The following TMEM132D variants were observed in gnomAD, a reference collection of about 807,000 sequenced individuals.
TMEM132D encodes transmembrane protein 132D.
A neutral mutation model predicts 62.3 loss-of-function variants in TMEM132D; 21 were observed. The ratio of observed to expected loss-of-function variants is 0.34; its 90% confidence interval spans 0.24 to 0.49. The LOEUF (loss-of-function observed/expected upper bound fraction) is 0.49. TMEM132D is among the 20% of genes least tolerant of loss of function. TMEM132D has a pLI of 0.99. For synonymous variants in TMEM132D, 621 were observed against 575.6 expected (o/e 1.08, Z -1.13); for missense variants, 1,346 against 1,402.8 (o/e 0.96, Z 0.65).
intron 2 of TMEM132D, among the ~76,000 whole-genome samples, chr12:129,537,128 C>G (rs565026938): frequency 7.5e-6 from 1 of 133,456 alleles, no homozygotes; most frequent in Non-Finnish European, 1.5e-5. Flanking sequence ...CCACTGCACT[C>G]CAGCCTGGGT....
At chr12:129,136,760 C>A (rs1324456060) in intron 5 of TMEM132D, among the ~76,000 whole-genome samples, 2 of 141,016 alleles carry the variant, frequency 1.4e-5, no homozygotes, top group Non-Finnish European at 3.1e-5. Context: ...CCTCCACCAT[C>A]ATCACCATCA....
chr12:129,700,298 G>C lies in TMEM132D; in HGVS notation c.480C>G (p.Ser160Arg), dbSNP rs201922398. ...HIMGRDWDDR[S>R]AGEKLPCLRV... ...TCAGGCACGGCAGCTTCTCCCCGGC[G>C]CTGCGGTCGTCCCAGTCTCTGCCCA... Residue 160 changes from serine to arginine, a missense_variant, in exon 2 of 9, where the codon AGC becomes AGG. Ser to Arg is a moderately radical substitution (Grantham distance 110). Transcript: ENST00000422113. The C allele has an allele frequency of 1.2e-6, 2 of 1,613,640 alleles. No homozygotes were observed. The highest frequency in any genetic ancestry group is 4.5e-5 in the East Asian group (2 of 44,868).
intron 2 of TMEM132D, among the ~76,000 whole-genome samples, chr12:129,560,374 C>T (rs1418722600): frequency 1.3e-5 from 2 of 151,808 alleles, no homozygotes; most frequent in African/African-American, 4.8e-5. Flanking sequence ...GGCTCAAGCG[C>T]TCCTGCCTCA....
At position 129,096,585 on chromosome 12, in the gene TMEM132D, A is replaced by G. The variant is rs1041253538; in HGVS notation, c.1444-11883T>C. On this transcript the variant is annotated intron_variant, in intron 5 of 8. Coordinates refer to ENST00000422113, the MANE Select transcript of TMEM132D (RefSeq NM_133448.3). ...AAGAGCGGGACTCAGCTCAAAACAC[A>G]GGGACCCCAAGGAGTTAAGCGCTGG... 5.3e-5 allele frequency among the ~76,000 whole-genome samples: 8 copies of G among 152,284 alleles called. No individual in the cohort carries two copies. The East Asian group carries it at 1.2e-3, about 22-fold the overall frequency.
At chr12:129,313,215 G>A in intron 4 of TMEM132D, among the ~76,000 whole-genome samples, 1 of 152,020 alleles carries the variant, frequency 6.6e-6, no homozygotes, top group South Asian at 2.1e-4. Context: ...GGGGTATTTG[G>A]TTACATGAGT....
chr12:129,254,042 G>T (rs76022285), intron 4 of TMEM132D, among the ~76,000 whole-genome samples: 5,498 of 152,284 alleles, frequency 0.036, 135 homozygotes, highest in Middle Eastern at 0.065. Flanking sequence ...AACGGACTTG[G>T]TGTATCAATA....
intron 1 of TMEM132D, among the ~76,000 whole-genome samples, chr12:129,880,125 AG>A (rs753952492): frequency 6.6e-6 from 1 of 152,194 alleles, no homozygotes; most frequent in East Asian, 1.9e-4. Flanking sequence ...GCAAAAAAAA[AG>A]ACACATTACA....
chr12:129,156,310 C>A (rs887196151), intron 5 of TMEM132D, among the ~76,000 whole-genome samples: 1 of 152,010 alleles, frequency 6.6e-6, no homozygotes, highest in African/African-American at 2.4e-5. Context: ...ACCCAACCCA[C>A]TTCCAATAAA....
At chr12:129,760,708 A>C (rs973743970) in intron 1 of TMEM132D, among the ~76,000 whole-genome samples, 1 of 151,048 alleles carries the variant, frequency 6.6e-6, no homozygotes, top group African/African-American at 2.4e-5. Flanking sequence ...GGTTTGCTAC[A>C]TAGGTATACA....
rs1214068458 is a variant in TMEM132D, at chr12:129,162,737, G to A, written c.1443+46783C>T. Among the ~76,000 whole-genome samples the A allele has an allele frequency of 5.9e-5, 9 of 152,284 alleles. No homozygotes were observed. The South Asian group carries it at 1.9e-3, about 32-fold the overall frequency. ...CATCTCCCCCTCTGCCTTCCACCATGTTTGGAAGCTTCCTGAGGCCTTCTT... is the reference window on the plus strand; with the variant it reads ...CATCTCCCCCTCTGCCTTCCACCATATTTGGAAGCTTCCTGAGGCCTTCTT... On this transcript the variant is annotated intron_variant, in intron 5 of 8. Coordinates refer to ENST00000422113, the MANE Select transcript of TMEM132D (RefSeq NM_133448.3).
At position 129,336,224 on chromosome 12, in the gene TMEM132D, C is replaced by T. The variant is rs1483463455; in HGVS notation, c.1299+1410G>A. Among the ~76,000 whole-genome samples, 8 of 152,304 alleles carry T rather than the reference C, an allele frequency of 5.3e-5. No individual in the cohort carries two copies. In the East Asian group the frequency reaches 1.5e-3, roughly 29 times the overall value. ...CCAAATGCAATTCCTAATTGGTACA[C>T]ATGTCAAGGGGGTCTCCACTGAGAT... On this transcript the variant is annotated intron_variant, in intron 4 of 8. Coordinates refer to ENST00000422113, the MANE Select transcript of TMEM132D (RefSeq NM_133448.3).
intron 3 of TMEM132D, among the ~76,000 whole-genome samples, chr12:129,448,601 C>T (rs546192317): frequency 6.6e-6 from 1 of 152,256 alleles, no homozygotes; most frequent in South Asian, 2.1e-4. Context: ...CATATACATG[C>T]CACATTTTCT....
At chr12:129,530,436 A>T (rs1248100451) in intron 3 of TMEM132D, among the ~76,000 whole-genome samples, 1 of 152,190 alleles carries the variant, frequency 6.6e-6, no homozygotes, top group East Asian at 1.9e-4. Context: ...AAGTGCAATA[A>T]AACAAGAACT....
At chr12:129,612,629 T>A (rs1593088469) in intron 2 of TMEM132D, among the ~76,000 whole-genome samples, 1 of 150,722 alleles carries the variant, frequency 6.6e-6, no homozygotes, top group Non-Finnish European at 1.5e-5. Context: ...CTTTTTAAAA[T>A]ATATATATAT....
chr12:129,511,915 C>T (rs1056977068), intron 3 of TMEM132D, among the ~76,000 whole-genome samples: 2 of 152,144 alleles, frequency 1.3e-5, no homozygotes, highest in African/African-American at 2.4e-5. Flanking sequence ...AAGAAAGTTG[C>T]CCATTTAATG....
intron 1 of TMEM132D, among the ~76,000 whole-genome samples, chr12:129,727,594 G>A (rs1048534664): frequency 6.6e-6 from 1 of 152,170 alleles, no homozygotes; most frequent in Non-Finnish European, 1.5e-5. Context: ...CCAGGTCAGA[G>A]AGAGGGCAAG....
intron 1 of TMEM132D, among the ~76,000 whole-genome samples, chr12:129,775,928 C>T (rs998562886): frequency 3.9e-5 from 6 of 151,958 alleles, no homozygotes; most frequent in Non-Finnish European, 1.5e-5. Flanking sequence ...ACCAATCTAT[C>T]TATCCATTTG....
intron 3 of TMEM132D, among the ~76,000 whole-genome samples, chr12:129,430,470 T>C (rs940559278): frequency 2.0e-5 from 3 of 152,200 alleles, no homozygotes; most frequent in Admixed American, 1.3e-4. Flanking sequence ...AGATTCTGCA[T>C]ATTAGCCCTT....
chr12:129,322,584 C>A (rs921535320), intron 4 of TMEM132D, among the ~76,000 whole-genome samples: 1 of 152,014 alleles, frequency 6.6e-6, no homozygotes, highest in Admixed American at 6.6e-5. Context: ...AATTTTATTA[C>A]TACAAGGCAA....
Sources: allele counts gnomAD v4.1 joint callset (sites outside exome capture counted in the v4.1 genomes callset), GRCh38; gene constraint gnomAD v4.1.1; transcripts MANE v1.5; gene names NCBI Gene and HGNC (gene_info 2026-07-23, HGNC 2026-07-21).